The following CPED1 variants were observed in gnomAD, a reference collection of about 807,000 sequenced individuals.
The protein encoded by CPED1 is cadherin like and PC-esterase domain containing 1.
A neutral mutation model predicts 128.2 loss-of-function variants in CPED1; 114 were observed. That is an observed-to-expected ratio of 0.89 (90% CI 0.76 to 1.04). The LOEUF is 1.04. CPED1 is among the 50% of genes least tolerant of loss of function. The pLI is 0.00. For synonymous variants in CPED1, 462 were observed against 426.7 expected, an observed-to-expected ratio of 1.08 and a Z score of -1.02; for missense variants, 1,211 against 1,207.1, an observed-to-expected ratio of 1.00 and a Z score of -0.05.
intron 7 of CPED1, among the ~76,000 whole-genome samples, chr7:121,114,549 G>A (rs1373981744): frequency 6.6e-6 from 1 of 152,178 alleles, no homozygotes; most frequent in East Asian, 1.9e-4. Context: ...TTAAATGTGG[G>A]TATAAAAACT....
chr7:121,055,409 T>C (rs933934431), intron 4 of CPED1, among the ~76,000 whole-genome samples: 1 of 151,946 alleles, frequency 6.6e-6, no homozygotes, highest in African/African-American at 2.4e-5. Flanking sequence ...TACAGTAAAT[T>C]AATTTTTTAA....
At position 121,015,852 on chromosome 7, in the gene CPED1, A is replaced by G; in HGVS notation, c.433+4A>G. 1 of 1,488,552 alleles carries G rather than the reference A, an allele frequency of 6.7e-7. No homozygotes were observed. The highest frequency in any genetic ancestry group is 2.5e-5 in the East Asian group (1 of 40,270). The allele number at this position is 1,488,552 out of a possible 1,614,324, so 92.2% of individuals were successfully genotyped here. ...GGGCCGGGGCTACTAGAACAAGGTC[A>G]GAATAGTGAGAAGTAACTGCCAAAG... On this transcript the variant is annotated splice_donor_region_variant and intron_variant, in intron 3 of 22. Transcript: ENST00000310396.
chr7:121,176,075 G>T (rs1456155815), intron 16 of CPED1, among the ~76,000 whole-genome samples: 1 of 151,394 alleles, frequency 6.6e-6, no homozygotes. Flanking sequence ...TAAATTACTT[G>T]AGGAATTAGT....
chr7:121,190,317 A>G (rs1218756636), intron 16 of CPED1, among the ~76,000 whole-genome samples: 1 of 148,586 alleles, frequency 6.7e-6, no homozygotes, highest in African/African-American at 2.5e-5. Flanking sequence ...AACAGTGAGT[A>G]GAGCGGGGAG....
chr7:121,023,281 G>T (rs186544861), intron 3 of CPED1, among the ~76,000 whole-genome samples: 3 of 152,184 alleles, frequency 2.0e-5, no homozygotes, highest in Admixed American at 2.0e-4. Flanking sequence ...TATTCCCATT[G>T]TTTAACAAGG....
At chr7:121,194,048 A>ATATATGTTT (rs1396095392) in intron 16 of CPED1, among the ~76,000 whole-genome samples, 3 of 47,464 alleles carry the variant, frequency 6.3e-5, no homozygotes, top group African/African-American at 2.5e-4. Flanking sequence ...ATATATATAT[A>ATATATGTTT]TTTTTTTTTT....
At chr7:121,151,866 A>ACTAAC (rs1796167450) in intron 16 of CPED1, among the ~76,000 whole-genome samples, 2 of 151,708 alleles carry the variant, frequency 1.3e-5, no homozygotes, top group Non-Finnish European at 2.9e-5. Context: ...TTCCACATGC[A>ACTAAC]TGTGACATTT....
Position 121,256,129 on chromosome 7 carries a change from CAAAAA to C in CPED1, c.2311-10090_2311-10086del, listed in dbSNP as rs201393067. Among the ~76,000 whole-genome samples, 4 of 101,264 alleles carry C rather than the reference CAAAAA, an allele frequency of 4.0e-5. 1 individual carries two copies. The highest frequency in any genetic ancestry group is 7.5e-5 in the Non-Finnish European group (4 of 53,688). The allele number at this position is 101,264 out of a possible 152,430, so 66.4% of individuals were successfully genotyped here. A position where few individuals can be genotyped will look rare whatever the true frequency, so the allele number is the denominator to read the frequency against. On this transcript the variant is annotated intron_variant, in intron 18 of 22. Coordinates refer to ENST00000310396, the MANE Select transcript of CPED1 (RefSeq NM_024913.5). ...TCCTAAGCAAAAAAAAAAAACAAAA[CAAAAA>C]AAAAAAACAAAGCTTATGCCAAAGA...
At position 121,031,372 on chromosome 7, in the gene CPED1, C is replaced by T. The variant is rs561483241; in HGVS notation, c.434-15515C>T. 4.1e-4 allele frequency among the ~76,000 whole-genome samples: 62 copies of T among 152,020 alleles called. 1 individual carries two copies. Among genetic ancestry groups the T allele is most frequent in the African/African-American group, 1.4e-3 (56 of 41,466 alleles). ...TGTTGCCCAGGTTGGAGGGCAGTGG[C>T]GTGATCCCAGGTTCAAGCGATTCTC... On this transcript the variant is annotated intron_variant, in intron 3 of 22. Coordinates refer to ENST00000310396, the MANE Select transcript of CPED1 (RefSeq NM_024913.5).
intron 2 of CPED1, among the ~76,000 whole-genome samples, chr7:121,000,922 CAT>C (rs1470508793): frequency 6.6e-6 from 1 of 152,084 alleles, no homozygotes; most frequent in Non-Finnish European, 1.5e-5. Context: ...GAATAAAAAT[CAT>C]ATGTTTGAAA....
At chr7:121,148,390 C>A (rs1796076189) in intron 16 of CPED1, among the ~76,000 whole-genome samples, 1 of 152,174 alleles carries the variant, frequency 6.6e-6, no homozygotes, top group Non-Finnish European at 1.5e-5. Context: ...AGGCACTTTA[C>A]CTTCTTGCCT....
intron 2 of CPED1, among the ~76,000 whole-genome samples, chr7:121,000,985 T>C (rs1226478119): frequency 6.6e-6 from 1 of 152,184 alleles, no homozygotes; most frequent in Non-Finnish European, 1.5e-5. Context: ...ATATTATGTG[T>C]GTCCTTTCTT....
intron 5 of CPED1, among the ~76,000 whole-genome samples, chr7:121,080,869 A>T (rs1036862241): frequency 1.3e-5 from 2 of 152,168 alleles, no homozygotes; most frequent in Admixed American, 1.3e-4. Flanking sequence ...CAAGAAACTT[A>T]CAAGTGTTAT....
intron 5 of CPED1, among the ~76,000 whole-genome samples, chr7:121,094,328 G>A (rs1192108635): frequency 6.6e-6 from 1 of 151,968 alleles, no homozygotes; most frequent in East Asian, 1.9e-4. Context: ...TAGTTGTAAG[G>A]CAAAACATTA....
In CPED1 at chr7:121,267,205, T is replaced by C; in HGVS notation, c.2634-10T>C. The C allele has an allele frequency of 1.4e-6, 2 of 1,457,076 alleles. No individual in the cohort carries two copies. Among genetic ancestry groups the C allele is most frequent in the Non-Finnish European group, 1.9e-6 (2 of 1,047,290 alleles). The allele number at this position is 1,457,076 out of a possible 1,614,324, so 90.3% of individuals were successfully genotyped here. ...GTTACTGACTTTAGAATTATAATTA[T>C]CTCATTCAGGGAAAATTTACTCAAT... On this transcript the variant is annotated splice_polypyrimidine_tract_variant and intron_variant, in intron 20 of 22. Coordinates refer to ENST00000310396, the MANE Select transcript of CPED1 (RefSeq NM_024913.5).
chr7:121,125,015 T>C (rs911051655), intron 8 of CPED1, among the ~76,000 whole-genome samples: 3 of 152,290 alleles, frequency 2.0e-5, no homozygotes, highest in Middle Eastern at 3.4e-3. Flanking sequence ...AATTTATATG[T>C]GAATAGGTAC....
At chr7:121,015,356 G>A (rs147238033) in intron 2 of CPED1, among the ~76,000 whole-genome samples, 2 of 152,308 alleles carry the variant, frequency 1.3e-5, no homozygotes, top group East Asian at 3.9e-4. Context: ...TAAAGGCATT[G>A]CTATTAATTT....
intron 16 of CPED1, among the ~76,000 whole-genome samples, chr7:121,210,988 A>G (rs1797628574): frequency 6.7e-6 from 1 of 149,552 alleles, no homozygotes; most frequent in Admixed American, 6.6e-5. Flanking sequence ...CACATAATAA[A>G]GAAAAAGTTA....
At chr7:121,204,888 A>T (rs1354413019) in intron 16 of CPED1, among the ~76,000 whole-genome samples, 1 of 152,254 alleles carries the variant, frequency 6.6e-6, no homozygotes, top group East Asian at 1.9e-4. Flanking sequence ...TTTCCTGCAG[A>T]AAACGGTCAG....
Sources: gnomAD v4.1 joint callset for allele counts (sites outside exome capture counted in the v4.1 genomes callset) on GRCh38, gnomAD v4.1.1 for gene constraint, MANE v1.5 for transcripts, NCBI Gene and HGNC (gene_info 2026-07-23, HGNC 2026-07-21) for gene names.